The following CDYL2 variants were observed in gnomAD, a reference collection of about 807,000 sequenced individuals.
The protein encoded by CDYL2 is chromodomain Y-like protein 2.
Under a neutral mutation model 49.4 loss-of-function variants are expected in CDYL2, and 23 were observed. The ratio of observed to expected loss-of-function variants is 0.47; its 90% CI spans 0.34 to 0.66. The LOEUF is 0.66. Among genes scored for constraint, CDYL2 ranks in the 30% least tolerant of loss-of-function variants. The probability of loss-of-function intolerance (pLI) is 0.01; values close to 1 mark genes in which losing one functional copy is unlikely to be tolerated. For synonymous variants in CDYL2, 360 were observed against 268.8 expected (o/e 1.34, Z -3.32); for missense variants, 678 against 656.4 (o/e 1.03, Z -0.36).
chr16:80,686,415 A>G (rs1034811377), intron 1 of CDYL2, among the ~76,000 whole-genome samples: 16 of 152,244 alleles, frequency 1.1e-4, no homozygotes, highest in Admixed American at 3.3e-4. Context: ...TATATTCAAA[A>G]GTTTATTCTA....
At chr16:80,802,157 T>A (rs187484849) in intron 1 of CDYL2, among the ~76,000 whole-genome samples, 7 of 152,324 alleles carry the variant, frequency 4.6e-5, no homozygotes, top group Admixed American at 4.6e-4. Context: ...AGGAGGGCAG[T>A]TGCAGATGAA....
At position 80,646,291 on chromosome 16, in the gene CDYL2, T is replaced by A. The variant is rs1161657131; in HGVS notation, c.617-13055A>T. On this transcript the variant is annotated intron_variant, in intron 2 of 6. Coordinates refer to ENST00000570137, the MANE Select transcript of CDYL2 (RefSeq NM_152342.4). ...AAATATATAATGAATACAAAAAAAT[T>A]AACAAACAATAAACTAAATCATAAC... 2.6e-5 allele frequency among the ~76,000 whole-genome samples: 4 copies of A among 151,198 alleles called. 1 individual carries two copies. Among genetic ancestry groups the A allele is most frequent in the East Asian group, 3.9e-4 (2 of 5,128 alleles).
intron 1 of CDYL2, among the ~76,000 whole-genome samples, chr16:80,768,698 G>T (rs1405251701): frequency 1.3e-5 from 2 of 152,176 alleles, no homozygotes; most frequent in Non-Finnish European, 2.9e-5. Context: ...TCCTGGATGA[G>T]AAGGAAGTAA....
rs1376470053 is a variant in CDYL2 at position 80,598,703 on chromosome 16, C to T, written c.*5685G>A. 1 of 152,092 alleles carries T rather than the reference C, an allele frequency of 6.6e-6. No homozygotes were observed. Among genetic ancestry groups the T allele is most frequent in the Non-Finnish European group, 1.5e-5 (1 of 68,026 alleles). 9.4% of individuals were successfully genotyped at this position (152,092 alleles called of 1,614,324 possible). On this transcript the variant is annotated 3_prime_UTR_variant, in exon 7 of 7. Transcript: ENST00000570137. ...GGCTTGGGACTACACAGTAGAAACA[C>T]CAACCTGAGATAGTGAGCTTCAATT... is the stretch of plus-strand genomic sequence containing the variant.
chr16:80,771,994 G>A (rs1906921164), intron 1 of CDYL2, among the ~76,000 whole-genome samples: 1 of 152,082 alleles, frequency 6.6e-6, no homozygotes, highest in Non-Finnish European at 1.5e-5. Flanking sequence ...AGAGGAAATG[G>A]CTGAGCATTC....
intron 2 of CDYL2, among the ~76,000 whole-genome samples, chr16:80,662,065 C>G (rs537061196): frequency 2.5e-4 from 38 of 152,308 alleles, no homozygotes; most frequent in Admixed American, 6.5e-4. Context: ...ACTCACAGAT[C>G]ATGAAGTCTC....
At chr16:80,697,107 C>T (rs902076099) in intron 1 of CDYL2, among the ~76,000 whole-genome samples, 1 of 152,026 alleles carries the variant, frequency 6.6e-6, no homozygotes, top group African/African-American at 2.4e-5. Flanking sequence ...CAAAAGCAAA[C>T]AAGGACACAA....
At chr16:80,707,286 G>C (rs1904437279) in intron 1 of CDYL2, among the ~76,000 whole-genome samples, 1 of 152,090 alleles carries the variant, frequency 6.6e-6, no homozygotes. Flanking sequence ...AACACAGCAA[G>C]ATCCCCATCT....
At chr16:80,663,873 T>C (rs1909151176) in intron 2 of CDYL2, among the ~76,000 whole-genome samples, 1 of 152,212 alleles carries the variant, frequency 6.6e-6, no homozygotes, top group African/African-American at 2.4e-5. Context: ...ATTAGAGGTG[T>C]GAGCCACTAT....
Position 80,684,761 on chromosome 16 carries a change from G to T in CDYL2, c.393C>A (p.Ala131=). 1 of 1,614,198 alleles carries T rather than the reference G, an allele frequency of 6.2e-7. No individual in the cohort carries two copies. The highest frequency in any genetic ancestry group is 8.5e-7 in the Non-Finnish European group (1 of 1,180,036). ...SGKPSSGGDR[A]TKTVSYRTTP... ...TAGTCCTGTAAGACACCGTCTTGGT[G>T]GCCCTGTCACCTCCTGAAGAGGGCT... Residue 131 remains alanine (A), a synonymous_variant, in exon 2 of 7, where the codon GCC becomes GCA. Coordinates refer to ENST00000570137, the MANE Select transcript of CDYL2 (RefSeq NM_152342.4).
At chr16:80,709,465 C>T (rs1367645746) in intron 1 of CDYL2, among the ~76,000 whole-genome samples, 1 of 151,636 alleles carries the variant, frequency 6.6e-6, no homozygotes, top group Non-Finnish European at 1.5e-5. Flanking sequence ...GCAAATTTTG[C>T]ATTTTCTTGT....
intron 1 of CDYL2, among the ~76,000 whole-genome samples, chr16:80,701,725 C>A (rs534978057): frequency 4.6e-5 from 7 of 152,210 alleles, no homozygotes; most frequent in Non-Finnish European, 7.3e-5. Flanking sequence ...TTGCAACAAA[C>A]TGATCGATAA....
chr16:80,755,562 C>G (rs1003939713), intron 1 of CDYL2, among the ~76,000 whole-genome samples: 14 of 152,204 alleles, frequency 9.2e-5, no homozygotes, highest in African/African-American at 3.4e-4. Flanking sequence ...ACCCTTTGAC[C>G]TGCTCATTTT....
intron 2 of CDYL2, among the ~76,000 whole-genome samples, chr16:80,664,386 AGC>A (rs1364632416): frequency 6.6e-6 from 1 of 152,040 alleles, no homozygotes; most frequent in African/African-American, 2.4e-5. Flanking sequence ...TTCCTCCCCA[AGC>A]GCCGGGAACA....
In CDYL2 at chr16:80,756,689, T is replaced by C. The variant is rs545199712; in HGVS notation, c.24+47461A>G. On this transcript the variant is annotated intron_variant, in intron 1 of 6. Coordinates refer to ENST00000570137, the MANE Select transcript of CDYL2 (RefSeq NM_152342.4). ...TGACCTTGACAGAAAAATCTAATAA[T>C]GCACAGTACACACTAAAACCACAGT... Among the ~76,000 whole-genome samples, 36 of 152,192 alleles carry C rather than the reference T, an allele frequency of 2.4e-4. 1 individual carries two copies. The South Asian group carries it at 7.2e-3, about 31-fold the overall frequency.
chr16:80,621,481 TG>T (rs1475269539), intron 3 of CDYL2, among the ~76,000 whole-genome samples: 1 of 152,228 alleles, frequency 6.6e-6, no homozygotes, highest in East Asian at 1.9e-4. Context: ...TCCAAGCCCC[TG>T]GTCCAAATTC....
chr16:80,692,154 T>C (rs1910442300), intron 1 of CDYL2, among the ~76,000 whole-genome samples: 1 of 152,210 alleles, frequency 6.6e-6, no homozygotes, highest in African/African-American at 2.4e-5. Context: ...AGAAGAAATC[T>C]ACGTCCTAAG....
chr16:80,681,984 A>G (rs1289482657), intron 2 of CDYL2, among the ~76,000 whole-genome samples: 2 of 152,178 alleles, frequency 1.3e-5, no homozygotes, highest in African/African-American at 4.8e-5. Flanking sequence ...CCCACCCCCC[A>G]CACATTTGGC....
intron 1 of CDYL2, among the ~76,000 whole-genome samples, chr16:80,750,239 A>T (rs1208388522): frequency 2.6e-5 from 4 of 152,038 alleles, no homozygotes; most frequent in African/African-American, 4.8e-5. Context: ...AATATATTTT[A>T]AAAAAAGTTA....
Sources: allele counts gnomAD v4.1 joint callset (sites outside exome capture counted in the v4.1 genomes callset), GRCh38; gene constraint gnomAD v4.1.1; transcripts MANE v1.5; gene names NCBI Gene and HGNC (gene_info 2026-07-23, HGNC 2026-07-21).